PCED1B: variants seen among roughly 807,000 people sequenced by gnomAD.
The protein encoded by PCED1B is PC-esterase domain-containing protein 1B.
For synonymous variants in PCED1B, 251 were observed against 246.1 expected, an observed-to-expected ratio of 1.02 and a Z score of -0.19; for missense variants, 573 against 573.9, an observed-to-expected ratio of 1.00 and a Z score of 0.02.
intron 3 of PCED1B, among the ~76,000 whole-genome samples, chr12:47,217,458 A>AAGAG (rs1565607709): frequency 4.0e-5 from 4 of 100,018 alleles, no homozygotes; most frequent in East Asian, 2.9e-4. Flanking sequence ...GAAAGAAAGA[A>AAGAG]AAAGAAAGAA....
At chr12:47,169,861 A>AT (rs1400855737) in intron 2 of PCED1B, among the ~76,000 whole-genome samples, 3 of 151,400 alleles carry the variant, frequency 2.0e-5, no homozygotes, top group African/African-American at 7.3e-5. Context: ...TCTCAAAAAA[A>AT]AAAAAAAGTT....
chr12:47,157,888 A>G (rs1941246176), intron 2 of PCED1B, among the ~76,000 whole-genome samples: 1 of 152,222 alleles, frequency 6.6e-6, no homozygotes, highest in African/African-American at 2.4e-5. Flanking sequence ...AATAAATGGA[A>G]TCAGTATTTG....
chr12:47,111,266 T>C lies in PCED1B; in HGVS notation c.-526+7071T>C, dbSNP rs113546834. Among the ~76,000 whole-genome samples, 1,161 of 152,304 alleles carry C rather than the reference T, an allele frequency of 7.6e-3. 13 individuals carry two copies. Among genetic ancestry groups the C allele is most frequent in the African/African-American group, 0.027 (1,124 of 41,558 alleles). On this transcript the variant is annotated intron_variant, in intron 2 of 3. Coordinates refer to ENST00000546455, the MANE Select transcript of PCED1B (RefSeq NM_138371.3). ...CTTTCTAGGGGAACCAACACCTGTA[T>C]TAGAGTGTTGGAAGACTGCCTTTAA... is the stretch of plus-strand genomic sequence containing the variant.
chr12:47,150,390 A>T (rs991002411), intron 2 of PCED1B, among the ~76,000 whole-genome samples: 5 of 151,978 alleles, frequency 3.3e-5, no homozygotes, highest in Non-Finnish European at 7.4e-5. Context: ...CCTGGCCAAC[A>T]TGGTGAAACC....
intron 2 of PCED1B, among the ~76,000 whole-genome samples, chr12:47,182,547 C>A (rs772288561): frequency 6.6e-6 from 1 of 151,104 alleles, no homozygotes; most frequent in Non-Finnish European, 1.5e-5. Context: ...GCCGAGATCA[C>A]GCCACTGCAC....
intron 1 of PCED1B, among the ~76,000 whole-genome samples, chr12:47,103,379 C>A (rs558629850): frequency 6.6e-6 from 1 of 152,242 alleles, no homozygotes; most frequent in Admixed American, 6.5e-5. Context: ...TTAAATGTTA[C>A]GGGAAAGATG....
intron 2 of PCED1B, among the ~76,000 whole-genome samples, chr12:47,113,057 A>G (rs1006621072): frequency 1.3e-5 from 2 of 152,216 alleles, no homozygotes; most frequent in African/African-American, 4.8e-5. Context: ...TTATTTAAAA[A>G]CATACACAAT....
chr12:47,109,355 CT>C (rs66532090), intron 2 of PCED1B, among the ~76,000 whole-genome samples: 6,564 of 147,658 alleles, frequency 0.044, 462 homozygotes, highest in African/African-American at 0.15. Context: ...ACTTGAAAAA[CT>C]TTTTTTTTTT....
At chr12:47,209,052 T>A (rs1942998256) in intron 2 of PCED1B, 1 of 152,220 alleles carries the variant, frequency 6.6e-6, no homozygotes. Flanking sequence ...ACTGTGCGTG[T>A]GGCATCTATG....
Position 47,217,458 on chromosome 12 carries a change from AAAAGAAAGAAAGAG to A in PCED1B, c.-58+783_-58+796del, listed in dbSNP as rs1243168551. On this transcript the variant is annotated intron_variant, in intron 3 of 3. Coordinates refer to ENST00000546455, the MANE Select transcript of PCED1B (RefSeq NM_138371.3). The stretch of plus-strand genomic sequence containing the variant: ...AAAAAAAGAAAGAAAGAAAGAAAGA[AAAAGAAAGAAAGAG>A]AAAGAAAGAAAGAAAGAAAGAAAGA... Among the ~76,000 whole-genome samples, 34 of 100,080 alleles carry A rather than the reference AAAAGAAAGAAAGAG, an allele frequency of 3.4e-4. 1 individual carries two copies. Among genetic ancestry groups the A allele is most frequent in the African/African-American group, 1.8e-3 (31 of 17,090 alleles). 65.7% of individuals were successfully genotyped at this position (100,080 alleles called of 152,430 possible).
intron 3 of PCED1B, among the ~76,000 whole-genome samples, chr12:47,226,077 G>A (rs1943623229): frequency 6.6e-6 from 1 of 152,120 alleles, no homozygotes; most frequent in South Asian, 2.1e-4. Flanking sequence ...ATTTATTGTG[G>A]CAGTAGACAT....
At position 47,236,115 on chromosome 12, in the gene PCED1B, A is replaced by C; in HGVS notation, c.1052A>C (p.Asp351Ala). ...CFSSDHTFQSDQFYCHSDVPS... is the reference protein window; with the variant it reads ...CFSSDHTFQSAQFYCHSDVPS... ...TCCTCAGACCATACTTTCCAGTCGG[A>C]TCAATTCTATTGCCATTCAGATGTC... The change falls in exon 4 of 4, where the codon GAT becomes GCT. Residue 351 changes from aspartate to alanine, a missense_variant. Physicochemically the swap from Asp to Ala is moderately radical, Grantham distance 126. Transcript: ENST00000546455. 4.3e-6 allele frequency: 7 copies of C among 1,614,014 alleles called. No homozygotes were observed. Among genetic ancestry groups the C allele is most frequent in the Non-Finnish European group, 5.9e-6 (7 of 1,180,000 alleles).
intron 1 of PCED1B, 58 bp downstream of exon 1, chr12:47,079,783 A>G (rs1170425344): frequency 6.7e-6 from 1 of 148,640 alleles, no homozygotes; most frequent in Non-Finnish European, 1.5e-5. Flanking sequence ...CCGCTCCCAG[A>G]GCCGGGGCCG....
At chr12:47,099,645 T>C (rs1459689141) in intron 1 of PCED1B, among the ~76,000 whole-genome samples, 1 of 152,232 alleles carries the variant, frequency 6.6e-6, no homozygotes, top group Non-Finnish European at 1.5e-5. Context: ...CCCTCTGCAC[T>C]ACCATGCGCC....
At chr12:47,101,801 C>T (rs1938718666) in intron 1 of PCED1B, among the ~76,000 whole-genome samples, 1 of 152,060 alleles carries the variant, frequency 6.6e-6, no homozygotes, top group African/African-American at 2.4e-5. Context: ...ACAAAATTAG[C>T]TGGGCGTGGT....
intron 2 of PCED1B, among the ~76,000 whole-genome samples, chr12:47,212,563 G>C (rs538102691): frequency 2.0e-5 from 3 of 152,202 alleles, no homozygotes; most frequent in Middle Eastern, 3.4e-3. Flanking sequence ...TTGACCTAAC[G>C]ATGATTTCTG....
chr12:47,110,424 A>T (rs1939142572), intron 2 of PCED1B, among the ~76,000 whole-genome samples: 1 of 152,216 alleles, frequency 6.6e-6, no homozygotes, highest in Non-Finnish European at 1.5e-5. Context: ...AATTGCAAAC[A>T]TATTTCACCC....
At chr12:47,178,060 A>G (rs770232221) in intron 2 of PCED1B, among the ~76,000 whole-genome samples, 2 of 152,340 alleles carry the variant, frequency 1.3e-5, no homozygotes, top group South Asian at 4.1e-4. Context: ...CTGGAAGAAT[A>G]GAAAGGACTC....
At chr12:47,225,178 C>T (rs1022138813) in intron 3 of PCED1B, among the ~76,000 whole-genome samples, 3 of 152,296 alleles carry the variant, frequency 2.0e-5, no homozygotes, top group Non-Finnish European at 4.4e-5. Flanking sequence ...GTGATCCACC[C>T]GTCTCGGCCT....
Sources: gnomAD v4.1 joint callset for allele counts (sites outside exome capture counted in the v4.1 genomes callset) on GRCh38, gnomAD v4.1.1 for gene constraint, MANE v1.5 for transcripts, NCBI Gene and HGNC (gene_info 2026-07-23, HGNC 2026-07-21) for gene names.